Variants in RNPEP observed in about 807,000 individuals in gnomAD.
RNPEP encodes the protein aminopeptidase B.
RNPEP carries 57 observed loss-of-function variants against 70.1 expected under a neutral mutation model. The observed-to-expected ratio is 0.81, with a 90% CI of 0.66 to 1.01. RNPEP has a LOEUF of 1.01. RNPEP is among the 50% of genes least tolerant of loss of function. The probability of loss-of-function intolerance (pLI) is 0.00; values close to 1 mark genes in which losing one functional copy is unlikely to be tolerated. For missense variants in RNPEP, 787 were observed against 852.4 expected, an observed-to-expected ratio of 0.92 and a Z score of 0.96; for synonymous variants, 335 against 357.4, an observed-to-expected ratio of 0.94 and a Z score of 0.71.
chr1:201,989,991 T>A (rs1161764956), intron 3 of RNPEP, among the ~76,000 whole-genome samples: 1 of 152,042 alleles, frequency 6.6e-6, no homozygotes, highest in Non-Finnish European at 1.5e-5. Context: ...ACTGCAGGCA[T>A]GCCCCACCAC....
In RNPEP at chr1:201,997,289, C is replaced by T. The variant is rs200002446; in HGVS notation, c.855-30C>T. ...TAGGGTCTGCTCCGGGAAGCCAGGGCCTCTTGGTGACCTCCCCGCTTCTCG... is the reference window on the plus strand; with the variant it reads ...TAGGGTCTGCTCCGGGAAGCCAGGGTCTCTTGGTGACCTCCCCGCTTCTCG... On this transcript the variant is annotated intron_variant, in intron 4 of 10. Coordinates refer to ENST00000295640, the MANE Select transcript of RNPEP (RefSeq NM_020216.4). The T allele has an allele frequency of 4.7e-4, 744 of 1,573,974 alleles. 2 individuals are homozygous for T. In the African/African-American group the frequency reaches 8.7e-3, roughly 18 times the overall value.
rs1682988254 is a variant in RNPEP at position 201,982,875 on chromosome 1, T to A, written c.209T>A (p.Leu70Gln). 8 of 1,401,692 alleles carry A rather than the reference T, an allele frequency of 5.7e-6. No individual in the cohort carries two copies. Among genetic ancestry groups the A allele is most frequent in the Non-Finnish European group, 7.4e-6 (8 of 1,084,050 alleles). 86.8% of individuals were successfully genotyped at this position (1,401,692 alleles called of 1,614,324 possible). The change falls in exon 1 of 11, where the codon CTG (leucine) becomes CAG (glutamine). Residue 70 changes from leucine (L) to glutamine (Q), a missense_variant. By Grantham distance (113) the Leu-to-Gln change is moderately radical. Transcript: ENST00000295640. ...ACCGCGGTCCTGGACCTGCGCTGCCTGGAGCCCGAGGGCGCCGCCGAGCTG... is the reference window on the plus strand; with the variant it reads ...ACCGCGGTCCTGGACCTGCGCTGCCAGGAGCCCGAGGGCGCCGCCGAGCTG... ...SGTAVLDLRC[L>Q]EPEGAAELRL...
intron 9 of RNPEP, 23 bp downstream of exon 9, chr1:202,003,484 G>A: frequency 6.5e-7 from 1 of 1,534,248 alleles, no homozygotes; most frequent in South Asian, 1.1e-5. Flanking sequence ...GGTGAACCAG[G>A]GCTCCTTGTG....
In RNPEP at chr1:201,983,298, G is replaced by A. The variant is rs1262575547; in HGVS notation, c.447+185G>A. ...TCCCCTTGCTTCCTCTTTTCCTCCC[G>A]GGCTGCCTGGTTTCCTTCTGGACTT... is the stretch of plus-strand genomic sequence containing the variant. On this transcript the variant is annotated intron_variant, in intron 1 of 10. Transcript: ENST00000295640. 7.7e-6 allele frequency: 11 copies of A among 1,422,476 alleles called. No individual in the cohort carries two copies. The African/African-American group carries it at 7.8e-5, about 10-fold the overall frequency. The allele number at this position is 1,422,476 out of a possible 1,614,324, so 88.1% of individuals were successfully genotyped here.
At chr1:202,000,128 A>C (rs1571642752) in intron 6 of RNPEP, 113 bp downstream of exon 6, 2 of 778,814 alleles carry the variant, frequency 2.6e-6, no homozygotes, top group Middle Eastern at 5.1e-4. Flanking sequence ...ATTTGGAGGG[A>C]GGGGCACTCC....
rs1206248311 is a variant in RNPEP at position 201,999,953 on chromosome 1, A to C, written c.1142A>C (p.Gln381Pro). 1 of 1,613,964 alleles carries C rather than the reference A, an allele frequency of 6.2e-7. No individual in the cohort carries two copies. Among genetic ancestry groups the C allele is most frequent in the East Asian group, 2.2e-5 (1 of 44,866 alleles). ...EAATGRALLR[Q>P]HMDITGEENP... ...GCAACGGGGCGGGCTCTGCTGCGTCAGCACATGGACATCACTGGAGAGGAA... is the reference window on the plus strand; with the variant it reads ...GCAACGGGGCGGGCTCTGCTGCGTCCGCACATGGACATCACTGGAGAGGAA... The change falls in exon 6 of 11, where the codon CAG becomes CCG. Residue 381 changes from glutamine (Q) to proline (P), a missense_variant. Coordinates refer to ENST00000295640, the MANE Select transcript of RNPEP (RefSeq NM_020216.4).
intron 10 of RNPEP, among the ~76,000 whole-genome samples, chr1:202,005,150 AC>A (rs1684000980): frequency 6.6e-6 from 1 of 152,092 alleles, no homozygotes; most frequent in Non-Finnish European, 1.5e-5. Flanking sequence ...CTGTGGGTTG[AC>A]CTGTGGGTTT....
chr1:201,983,572 G>A, intron 1 of RNPEP: 1 of 1,304,326 alleles, frequency 7.7e-7, no homozygotes, highest in East Asian at 5.5e-5. Context: ...GAATTAGCCA[G>A]ATGTTGATCT....
Position 201,982,858 on chromosome 1 carries a change from C to A in RNPEP, c.192C>A (p.Val64=). Residue 64 remains valine (V), a synonymous_variant, in exon 1 of 11, where the codon GTC becomes GTA. Transcript: ENST00000295640. ...AGSRGLSGTA[V]LDLRCLEPEG... Reference sequence around the variant, plus strand: ...GCCGGGGGCTGAGCGGCACCGCGGTCCTGGACCTGCGCTGCCTGGAGCCCG... The same window carrying A: ...GCCGGGGGCTGAGCGGCACCGCGGTACTGGACCTGCGCTGCCTGGAGCCCG... The A allele has an allele frequency of 7.2e-7, 1 of 1,384,004 alleles. No individual in the cohort carries two copies. The highest frequency in any genetic ancestry group is 1.8e-5 in the South Asian group (1 of 56,800). The allele number at this position is 1,384,004 out of a possible 1,614,324, so 85.7% of individuals were successfully genotyped here.
intron 10 of RNPEP, 41 bp from the exon 11 acceptor site, chr1:202,005,517 C>T: frequency 6.2e-7 from 1 of 1,606,992 alleles, no homozygotes; most frequent in Non-Finnish European, 8.5e-7. Context: ...ACAGATCCAC[C>T]AGGCAAGCTT....
At chr1:201,987,662 G>A (rs754713814) in intron 1 of RNPEP, among the ~76,000 whole-genome samples, 18 of 151,418 alleles carry the variant, frequency 1.2e-4, no homozygotes, top group East Asian at 5.9e-4. Flanking sequence ...GGTCACGAAC[G>A]CCTGACCTCA....
chr1:201,988,773 C>T, intron 1 of RNPEP, 131 bp from the exon 2 acceptor site: 2 of 1,146,616 alleles, frequency 1.7e-6, no homozygotes, highest in Non-Finnish European at 2.5e-6. Context: ...CTTTCTAGTT[C>T]AAACCAGACT....
rs4630172 is a variant in RNPEP, at chr1:202,003,761, C to T, written c.1651+300C>T. 0.28 allele frequency among the ~76,000 whole-genome samples: 42,743 copies of T among 152,042 alleles called. 6,371 individuals carry two copies. The highest frequency in any genetic ancestry group is 0.5 in the South Asian group (2,432 of 4,822). On this transcript the variant is annotated intron_variant, in intron 9 of 10. Coordinates refer to ENST00000295640, the MANE Select transcript of RNPEP (RefSeq NM_020216.4). ...TGCTCAAGTCCGAAGCTCCTGCAGG[C>T]GACTCTTGTAAGGCTTTTGTGTCTA...
At chr1:202,003,114 A>T in intron 8 of RNPEP, 123 bp from the exon 9 acceptor site, 1 of 664,156 alleles carries the variant, frequency 1.5e-6, no homozygotes, top group Non-Finnish European at 2.6e-6. Flanking sequence ...AAGTAATGTT[A>T]AATGCTGGGG....
At chr1:201,986,596 A>C (rs1683141101) in intron 1 of RNPEP, among the ~76,000 whole-genome samples, 1 of 143,356 alleles carries the variant, frequency 7.0e-6, no homozygotes, top group Non-Finnish European at 1.5e-5. Flanking sequence ...GCTGGACTGC[A>C]GTGGTGTGAT....
intron 3 of RNPEP, among the ~76,000 whole-genome samples, chr1:201,993,584 G>C (rs1245305549): frequency 7.0e-6 from 1 of 142,302 alleles, no homozygotes; most frequent in African/African-American, 2.7e-5. Flanking sequence ...GTGACAAAGT[G>C]AGACTCCACC....
intron 9 of RNPEP, among the ~76,000 whole-genome samples, chr1:202,003,879 G>A (rs570980114): frequency 4.2e-4 from 64 of 152,204 alleles, no homozygotes; most frequent in Admixed American, 5.2e-4. Flanking sequence ...CAAACAGTTC[G>A]CACAGAACCC....
chr1:201,996,202 G>C lies in RNPEP; in HGVS notation c.793G>C (p.Gly265Arg). ...LIDAAKEEYN[G>R]VIEEFLATGE... ...TGATGCTGCCAAGGAGGAGTACAAC[G>C]GGGTGATAGAAGAATTTTTGGCAAC... The change falls in exon 4 of 11, where the codon GGG becomes CGG. Residue 265 changes from glycine (G) to arginine (R), a missense_variant. By Grantham distance (125) the Gly-to-Arg change is moderately radical. Coordinates refer to ENST00000295640, the MANE Select transcript of RNPEP (RefSeq NM_020216.4). 6.2e-7 allele frequency: 1 copy of C among 1,614,162 alleles called. No individual in the cohort carries two copies. The highest frequency in any genetic ancestry group is 2.2e-5 in the East Asian group (1 of 44,872).
chr1:201,982,927 G>C lies in RNPEP; in HGVS notation c.261G>C (p.Glu87Asp). ...ELRLDSHPCL[E>D]VTAAALRRER... ...GGCTGGACTCGCACCCGTGCCTGGA[G>C]GTGACGGCGGCGGCGCTGCGGCGGG... Residue 87 changes from glutamate to aspartate, a missense_variant, in exon 1 of 11, where the codon GAG becomes GAC. Glu to Asp is a conservative substitution (Grantham distance 45, BLOSUM62 2). Transcript: ENST00000295640. The C allele has an allele frequency of 6.7e-7, 1 of 1,486,628 alleles. No individual in the cohort carries two copies. Among genetic ancestry groups the C allele is most frequent in the Non-Finnish European group, 8.9e-7 (1 of 1,121,768 alleles). The allele number at this position is 1,486,628 out of a possible 1,614,324, so 92.1% of individuals were successfully genotyped here. A position where few individuals can be genotyped will look rare whatever the true frequency, so the allele number is the denominator to read the frequency against.
Sources: allele counts gnomAD v4.1 joint callset (sites outside exome capture counted in the v4.1 genomes callset), GRCh38; gene constraint gnomAD v4.1.1; transcripts MANE v1.5; gene names NCBI Gene and HGNC (gene_info 2026-07-23, HGNC 2026-07-21).